The following RBFOX1 variants were observed in gnomAD, a reference collection of about 807,000 sequenced individuals.
The protein encoded by RBFOX1 is RNA binding fox-1 homolog 1.
RBFOX1 carries 8 observed loss-of-function variants against 57.7 expected under a neutral mutation model. The ratio of observed to expected loss-of-function variants is 0.14; its 90% CI spans 0.08 to 0.25. The LOEUF is 0.25. Ranked by LOEUF, RBFOX1 falls within the 10% of genes least tolerant of loss-of-function variation. The probability of loss-of-function intolerance (pLI) is 1.00; values close to 1 mark genes in which losing one functional copy is unlikely to be tolerated. For synonymous variants in RBFOX1, 326 were observed against 222.4 expected (o/e 1.47, Z -4.15); for missense variants, 611 against 548.5 (o/e 1.11, Z -1.14).
chr16:7,392,204 C>A (rs1347222170), intron 4 of RBFOX1, among the ~76,000 whole-genome samples: 1 of 152,186 alleles, frequency 6.6e-6, no homozygotes, highest in Non-Finnish European at 1.5e-5. Flanking sequence ...TTTCAGACCT[C>A]TGCCTACATG....
At chr16:5,360,444 G>T (rs879372985) in intron 1 of RBFOX1, among the ~76,000 whole-genome samples, 4 of 152,238 alleles carry the variant, frequency 2.6e-5, no homozygotes, top group Non-Finnish European at 4.4e-5. Context: ...GGCTTGCCGG[G>T]AGGCTTCCTG....
chr16:6,918,844 C>A (rs1235852680), intron 3 of RBFOX1, among the ~76,000 whole-genome samples: 1 of 152,238 alleles, frequency 6.6e-6, no homozygotes, highest in Middle Eastern at 3.4e-3. Flanking sequence ...TTCAGTGCAA[C>A]ACATTGCAGG....
At chr16:6,586,073 A>T (rs117567432) in intron 2 of RBFOX1, among the ~76,000 whole-genome samples, 459 of 152,314 alleles carry the variant, frequency 3.0e-3, no homozygotes, top group Non-Finnish European at 4.9e-3. Context: ...GTTATGCTTA[A>T]TTTGAAATGC....
intron 2 of RBFOX1, among the ~76,000 whole-genome samples, chr16:5,548,174 A>AAATATATATATATAT (rs1555462290): frequency 6.0e-5 from 2 of 33,580 alleles, no homozygotes; most frequent in South Asian, 1.9e-3. Context: ...AAAAAAAAAA[A>AAATATATATATATAT]ATATATATAT....
chr16:6,916,588 C>G (rs1043344886), intron 3 of RBFOX1, among the ~76,000 whole-genome samples: 6 of 151,996 alleles, frequency 3.9e-5, no homozygotes, highest in African/African-American at 9.7e-5. Flanking sequence ...GACCTACACA[C>G]TTGTAAGGCC....
chr16:7,648,716 C>T (rs1477996064), intron 11 of RBFOX1, among the ~76,000 whole-genome samples: 1 of 152,144 alleles, frequency 6.6e-6, no homozygotes, highest in Non-Finnish European at 1.5e-5. Context: ...GTGATGAAGA[C>T]CCTTTAATAG....
At chr16:5,730,876 C>G (rs1251345643) in intron 3 of RBFOX1, among the ~76,000 whole-genome samples, 1 of 151,918 alleles carries the variant, frequency 6.6e-6, no homozygotes, top group Non-Finnish European at 1.5e-5. Context: ...GTCATCACCA[C>G]TATTATCATT....
chr16:5,670,669 C>T (rs1367537624), intron 3 of RBFOX1, among the ~76,000 whole-genome samples: 1 of 152,234 alleles, frequency 6.6e-6, no homozygotes, highest in Non-Finnish European at 1.5e-5. Flanking sequence ...GCGGTTTAAA[C>T]TGCTAGGCAC....
chr16:5,940,646 G>C (rs574242422), intron 4 of RBFOX1, among the ~76,000 whole-genome samples: 36 of 152,228 alleles, frequency 2.4e-4, no homozygotes, highest in African/African-American at 8.2e-4. Flanking sequence ...TAAAGGGCCT[G>C]CCCCATAGTG....
At chr16:7,171,685 T>G (rs570778697) in intron 4 of RBFOX1, among the ~76,000 whole-genome samples, 1 of 152,302 alleles carries the variant, frequency 6.6e-6, no homozygotes, top group South Asian at 2.1e-4. Context: ...ATGGATTTAG[T>G]TATAGGGTAA....
intron 2 of RBFOX1, among the ~76,000 whole-genome samples, chr16:6,323,547 G>A (rs2082042381): frequency 6.6e-6 from 1 of 152,206 alleles, no homozygotes; most frequent in East Asian, 1.9e-4. Flanking sequence ...CACACTCTTT[G>A]TACTTTCAAA....
intron 4 of RBFOX1, among the ~76,000 whole-genome samples, chr16:7,063,705 GAA>G (rs201822019): frequency 6.6e-6 from 1 of 151,814 alleles, no homozygotes; most frequent in South Asian, 2.1e-4. Flanking sequence ...TATTTAGGGG[GAA>G]AAAAAACCCA....
intron 3 of RBFOX1, among the ~76,000 whole-genome samples, chr16:6,743,894 A>G (rs2072938789): frequency 6.7e-6 from 1 of 148,590 alleles, no homozygotes; most frequent in Non-Finnish European, 1.5e-5. Flanking sequence ...AATTAAGGAT[A>G]TTAACCATTC....
chr16:6,849,209 G>C (rs1333721745), intron 3 of RBFOX1, among the ~76,000 whole-genome samples: 1 of 152,202 alleles, frequency 6.6e-6, no homozygotes, highest in East Asian at 1.9e-4. Context: ...CCACCTATCA[G>C]AGAGTGTGTT....
intron 1 of RBFOX1, among the ~76,000 whole-genome samples, chr16:6,101,824 A>C (rs1053736036): frequency 2.0e-5 from 3 of 152,080 alleles, no homozygotes; most frequent in South Asian, 2.1e-4. Context: ...GCACATATCC[A>C]CAGCTGCCCT....
intron 1 of RBFOX1, among the ~76,000 whole-genome samples, chr16:6,256,252 T>C (rs1405837865): frequency 2.5e-5 from 3 of 121,084 alleles, no homozygotes; most frequent in African/African-American, 1.1e-4. Flanking sequence ...TATATGTATA[T>C]ATATGTGTAT....
intron 3 of RBFOX1, among the ~76,000 whole-genome samples, chr16:6,663,500 G>C (rs901031668): frequency 6.6e-6 from 1 of 152,174 alleles, no homozygotes; most frequent in African/African-American, 2.4e-5. Context: ...AGACATGGGA[G>C]AAGGTTCACT....
At chr16:5,953,123 G>A (rs2059554397) in intron 4 of RBFOX1, among the ~76,000 whole-genome samples, 1 of 149,920 alleles carries the variant, frequency 6.7e-6, no homozygotes, top group Non-Finnish European at 1.5e-5. Context: ...GGAGGGTGGG[G>A]TGGGAGGTAG....
chr16:5,859,116 A>G (rs2057145621), intron 3 of RBFOX1, among the ~76,000 whole-genome samples: 1 of 152,134 alleles, frequency 6.6e-6, no homozygotes, highest in Non-Finnish European at 1.5e-5. Context: ...GAGGCATAAG[A>G]ATTGCTTGAA....
Sources: gnomAD v4.1 joint callset for allele counts (sites outside exome capture counted in the v4.1 genomes callset) on GRCh38, gnomAD v4.1.1 for gene constraint, MANE v1.5 for transcripts, NCBI Gene and HGNC (gene_info 2026-07-23, HGNC 2026-07-21) for gene names.